Variants in MCC observed in about 807,000 individuals in gnomAD.
MCC encodes the protein MCC regulator of Wnt signaling pathway.
In MCC, 90 loss-of-function variants were observed where a neutral mutation model predicts 116.2. That is an observed-to-expected ratio of 0.77 (90% CI 0.65 to 0.92). The LOEUF is 0.92. Ranked by LOEUF, MCC falls within the 40% of genes least tolerant of loss-of-function variation. MCC has a pLI of 0.00. For missense variants in MCC, 1,516 were observed against 1,312.2 expected (o/e 1.16, Z -2.40); for synonymous variants, 578 against 510.5 (o/e 1.13, Z -1.78).
chr5:113,245,483 A>C (rs924627759), intron 3 of MCC, among the ~76,000 whole-genome samples: 1 of 152,036 alleles, frequency 6.6e-6, no homozygotes, highest in African/African-American at 2.4e-5. Flanking sequence ...AAAGGTAAGC[A>C]AAGTAGAATT....
At chr5:113,147,453 G>A (rs4705795) in intron 4 of MCC, among the ~76,000 whole-genome samples, 68,458 of 152,008 alleles carry the variant, frequency 0.45, 18,820 homozygotes, top group East Asian at 0.62. Context: ...TTTAATCATC[G>A]CATTAGTGTC....
chr5:113,100,926 G>C (rs1360813988), intron 8 of MCC, among the ~76,000 whole-genome samples: 2 of 152,150 alleles, frequency 1.3e-5, no homozygotes, highest in Non-Finnish European at 2.9e-5. Flanking sequence ...GTTTGATTGA[G>C]GAATTCATTG....
chr5:113,165,970 G>T (rs1020772134), intron 3 of MCC, among the ~76,000 whole-genome samples: 2 of 152,038 alleles, frequency 1.3e-5, no homozygotes, highest in African/African-American at 4.8e-5. Context: ...TAAGAGGGGT[G>T]GGAGGGGGCA....
intron 1 of MCC, among the ~76,000 whole-genome samples, chr5:113,430,994 C>A (rs757590810): frequency 1.3e-4 from 20 of 151,858 alleles, no homozygotes; most frequent in Non-Finnish European, 2.5e-4. Context: ...GAGCAATGGT[C>A]TAAAAAGAAA....
At chr5:113,068,935 G>C (rs1753822834) in intron 12 of MCC, among the ~76,000 whole-genome samples, 1 of 152,232 alleles carries the variant, frequency 6.6e-6, no homozygotes, top group Non-Finnish European at 1.5e-5. Flanking sequence ...CTGTGATGCA[G>C]TAAGTGATTA....
chr5:113,392,755 G>C (rs1344449142), intron 1 of MCC, among the ~76,000 whole-genome samples: 2 of 152,098 alleles, frequency 1.3e-5, no homozygotes, highest in Non-Finnish European at 2.9e-5. Context: ...TTAATTTAAT[G>C]CTCAGAACCA....
chr5:113,225,246 A>C (rs1211141761), intron 3 of MCC, among the ~76,000 whole-genome samples: 3 of 152,182 alleles, frequency 2.0e-5, no homozygotes, highest in Non-Finnish European at 4.4e-5. Flanking sequence ...CTGTTGAACT[A>C]ATTTTATTGA....
intron 5 of MCC, among the ~76,000 whole-genome samples, chr5:113,140,859 T>G (rs1759136414): frequency 6.6e-6 from 1 of 152,198 alleles, no homozygotes; most frequent in African/African-American, 2.4e-5. Flanking sequence ...GCCTAGTTCC[T>G]ACTGCATTTG....
intron 4 of MCC, among the ~76,000 whole-genome samples, chr5:113,144,264 C>A (rs1389542460): frequency 6.6e-6 from 1 of 152,218 alleles, no homozygotes; most frequent in Non-Finnish European, 1.5e-5. Context: ...TCTCACTTCT[C>A]TCCACTGCTC....
chr5:113,333,836 T>TACATATATACATATATCTAC (rs372077130), intron 3 of MCC, among the ~76,000 whole-genome samples: 3 of 59,292 alleles, frequency 5.1e-5, no homozygotes, highest in African/African-American at 3.1e-4. Context: ...TGTATATATG[T>TACATATATACATATATCTAC]ATATATGTAT....
intron 13 of MCC, 86 bp from the exon 14 acceptor site, chr5:113,064,253 A>T (rs1753436032): frequency 1.6e-6 from 2 of 1,276,702 alleles, no homozygotes; most frequent in South Asian, 2.9e-5. Flanking sequence ...TAACTCTGTT[A>T]CTTAGGGCAG....
At chr5:113,379,593 C>A (rs1769065053) in intron 2 of MCC, among the ~76,000 whole-genome samples, 1 of 152,132 alleles carries the variant, frequency 6.6e-6, no homozygotes, top group Admixed American at 6.5e-5. Context: ...AAGTGCCTAG[C>A]AAATTGTCTC....
At position 113,363,759 on chromosome 5, in the gene MCC, C is replaced by T. The variant is rs148046500; in HGVS notation, c.415+21209G>A. Among the ~76,000 whole-genome samples, 927 of 152,248 alleles carry T rather than the reference C, an allele frequency of 6.1e-3. 21 individuals are homozygous for T. Among genetic ancestry groups the T allele is most frequent in the Non-Finnish European group, 5.9e-3 (400 of 68,020 alleles). ...ATACAATCATGCCTTCCCAATAGTCCCCGAAAGTCTTATTTCAGCATTAAC... is the reference window on the plus strand; with the variant it reads ...ATACAATCATGCCTTCCCAATAGTCTCCGAAAGTCTTATTTCAGCATTAAC... On this transcript the variant is annotated intron_variant, in intron 2 of 18. Transcript: ENST00000408903.
At chr5:113,184,442 T>A (rs1482710924) in intron 3 of MCC, among the ~76,000 whole-genome samples, 1 of 151,714 alleles carries the variant, frequency 6.6e-6, no homozygotes, top group African/African-American at 2.4e-5. Flanking sequence ...TAGCACACTT[T>A]TCCCACATAG....
chr5:113,121,528 T>TC (rs1457998433), intron 6 of MCC, among the ~76,000 whole-genome samples: 1 of 152,200 alleles, frequency 6.6e-6, no homozygotes, highest in Non-Finnish European at 1.5e-5. Context: ...TTCCTACTGA[T>TC]CCTCCAGCTC....
intron 1 of MCC, among the ~76,000 whole-genome samples, chr5:113,469,940 C>A (rs1417850219): frequency 6.6e-6 from 1 of 152,126 alleles, no homozygotes; most frequent in African/African-American, 2.4e-5. Flanking sequence ...TATGTAATGG[C>A]CTTCTTTGTC....
At chr5:113,134,427 A>G (rs1581131609) in intron 5 of MCC, among the ~76,000 whole-genome samples, 4 of 151,918 alleles carry the variant, frequency 2.6e-5, no homozygotes, top group South Asian at 2.1e-4. Context: ...TCATTGCTCT[A>G]TGTGTCTGCT....
intron 15 of MCC, 70 bp downstream of exon 15, chr5:113,053,655 C>T (rs755717906): frequency 8.9e-7 from 1 of 1,121,518 alleles, no homozygotes; most frequent in Non-Finnish European, 1.3e-6. Flanking sequence ...ATCTGCTGGA[C>T]CTGCTTTCAG....
At chr5:113,038,333 CAT>C (rs1003123871) in intron 17 of MCC, among the ~76,000 whole-genome samples, 1 of 152,060 alleles carries the variant, frequency 6.6e-6, no homozygotes, top group African/African-American at 2.4e-5. Flanking sequence ...GAGTTGGAGT[CAT>C]GTACTTGGCT....
Sources: gnomAD v4.1 joint callset for allele counts (sites outside exome capture counted in the v4.1 genomes callset) on GRCh38, gnomAD v4.1.1 for gene constraint, MANE v1.5 for transcripts, NCBI Gene and HGNC (gene_info 2026-07-23, HGNC 2026-07-21) for gene names.